ZNF236: variants seen among roughly 807,000 people sequenced by gnomAD.
ZNF236 encodes the protein zinc finger protein 236.
Under a neutral mutation model 191.2 loss-of-function variants are expected in ZNF236, and 50 were observed. The observed-to-expected ratio is 0.26, with a 90% CI of 0.21 to 0.33. ZNF236 has a LOEUF of 0.33. ZNF236 is among the 10% of genes least tolerant of loss of function. The pLI is 1.00. For synonymous variants in ZNF236, 907 were observed against 928.8 expected (o/e 0.98, Z 0.43); for missense variants, 1,754 against 2,374.5 (o/e 0.74, Z 5.43).
chr18:76,933,184 C>T (rs911257625), intron 25 of ZNF236, among the ~76,000 whole-genome samples: 25 of 152,094 alleles, frequency 1.6e-4, no homozygotes, highest in Admixed American at 6.5e-5. Flanking sequence ...AAGAGCCAGC[C>T]GAGGCCGGGC....
At position 76,936,082 on chromosome 18, in the gene ZNF236, G is replaced by C. The variant is rs1370531601; in HGVS notation, c.4595-1074G>C. The C allele has an allele frequency of 3.1e-5, 14 of 456,940 alleles. No homozygotes were observed. In the East Asian group the frequency reaches 9.7e-4, roughly 32 times the overall value. 28.3% of individuals were successfully genotyped at this position (456,940 alleles called of 1,614,324 possible). ...GACAAGTAAGTAACCTAGTTTTCCTGTTGGCCCCTGACTCCTAGGAGAGCG... is the reference window on the plus strand; with the variant it reads ...GACAAGTAAGTAACCTAGTTTTCCTCTTGGCCCCTGACTCCTAGGAGAGCG... On this transcript the variant is annotated intron_variant, in intron 25 of 30. Transcript: ENST00000320610.
intron 11 of ZNF236, among the ~76,000 whole-genome samples, chr18:76,902,312 G>T (rs1977616715): frequency 1.3e-5 from 2 of 152,176 alleles, no homozygotes; most frequent in Non-Finnish European, 2.9e-5. Context: ...AATCTTTGGG[G>T]GACAGAGTTT....
rs1048162027 is a variant in ZNF236, at chr18:76,849,517, A to G, written c.56-9A>G. 4 of 1,598,832 alleles carry G rather than the reference A, an allele frequency of 2.5e-6. No individual in the cohort carries two copies. Among genetic ancestry groups the G allele is most frequent in the Non-Finnish European group, 2.6e-6 (3 of 1,174,840 alleles). On this transcript the variant is annotated splice_polypyrimidine_tract_variant and intron_variant, in intron 1 of 30. Transcript: ENST00000320610. ...GGTATTTATTGTCTATACTTATGCA[A>G]TTTTATAGATGGAGTTTTAACATTG...
intron 8 of ZNF236, among the ~76,000 whole-genome samples, 160 bp from the exon 9 acceptor site, chr18:76,881,124 C>G (rs1976880488): frequency 1.3e-5 from 2 of 152,132 alleles, no homozygotes; most frequent in African/African-American, 4.8e-5. Flanking sequence ...GTTACAGCCT[C>G]AAAGGGTTGG....
At chr18:76,945,703 GA>G (rs1346097462) in intron 26 of ZNF236, among the ~76,000 whole-genome samples, 8 of 152,344 alleles carry the variant, frequency 5.3e-5, no homozygotes, top group Non-Finnish European at 5.9e-5. Context: ...AGAATCACTT[GA>G]ACCCGGGAGG....
chr18:76,828,052 A>G (rs1044732946), intron 1 of ZNF236, among the ~76,000 whole-genome samples: 3 of 152,146 alleles, frequency 2.0e-5, no homozygotes, highest in Non-Finnish European at 4.4e-5. Flanking sequence ...AGCCCAATGG[A>G]TAAACAAGTC....
chr18:76,933,506 C>G (rs540463568), intron 25 of ZNF236, among the ~76,000 whole-genome samples: 1 of 150,764 alleles, frequency 6.6e-6, no homozygotes, highest in African/African-American at 2.4e-5. Flanking sequence ...ATCAGTCTCT[C>G]TCTCTCACTC....
intron 19 of ZNF236, among the ~76,000 whole-genome samples, chr18:76,917,972 C>T (rs1371848189): frequency 6.6e-6 from 1 of 152,128 alleles, no homozygotes; most frequent in African/African-American, 2.4e-5. Context: ...TTTCTTCTTC[C>T]CTCCCCAATC....
At chr18:76,918,072 C>G (rs186023505) in intron 19 of ZNF236, among the ~76,000 whole-genome samples, 2 of 152,290 alleles carry the variant, frequency 1.3e-5, no homozygotes, top group East Asian at 3.9e-4. Context: ...GAATTAACCA[C>G]TGTCCACTTT....
intron 3 of ZNF236, among the ~76,000 whole-genome samples, chr18:76,855,980 C>G (rs532142532): frequency 6.6e-6 from 1 of 152,200 alleles, no homozygotes; most frequent in African/African-American, 2.4e-5. Context: ...AAATTGTTTT[C>G]CAAAGAGATT....
Position 76,959,756 on chromosome 18 carries a change from A to G in ZNF236, c.5182A>G (p.Thr1728Ala), listed in dbSNP as rs1051002654. The G allele has an allele frequency of 5.0e-6, 8 of 1,613,998 alleles. No homozygotes were observed. The highest frequency in any genetic ancestry group is 2.2e-5 in the East Asian group (1 of 44,880). Residue 1728 changes from threonine (T) to alanine (A), a missense_variant, in exon 29 of 31, where the codon ACT (threonine) becomes GCT (alanine). Around this residue, in one of 5 missense-constraint regions of ZNF236, gnomAD observed 606 missense variants for 761.5 expected, o/e 0.80. Coordinates refer to ENST00000320610, the MANE Select transcript of ZNF236 (RefSeq NM_001306089.2). ...GAAGCCAAGAGTGTTTAAATGTGAC[A>G]CTTGTGAGAAGGCATTTGCCAAACC... ...SQKPRVFKCD[T>A]CEKAFAKPSQ...
Position 76,927,509 on chromosome 18 carries a change from A to G in ZNF236, c.4406A>G (p.Asn1469Ser), listed in dbSNP as rs1004761489. Residue 1469 changes from asparagine to serine, a missense_variant, in exon 24 of 31, where the codon AAC becomes AGC. Physicochemically the swap from Asn to Ser is conservative, Grantham distance 46 (BLOSUM62 1). Coordinates refer to ENST00000320610, the MANE Select transcript of ZNF236 (RefSeq NM_001306089.2). The surrounding 1 kb of genome is among the most constrained non-coding windows in gnomAD (Gnocchi z 5.4). ...GAGCAGGATTCAGTGCTGACCACTA[A>G]CAGCAGTGGTAAGAGCCACTCACTT... ...LSEQDSVLTTNSSGTQDLTQV... is the reference protein window; with the variant it reads ...LSEQDSVLTTSSSGTQDLTQV... 4 of 1,613,648 alleles carry G rather than the reference A, an allele frequency of 2.5e-6. No homozygotes were observed. The highest frequency in any genetic ancestry group is 3.4e-6 in the Non-Finnish European group (4 of 1,179,910).
chr18:76,911,310 A>AATG (rs10660362), intron 16 of ZNF236, among the ~76,000 whole-genome samples: 143,837 of 152,142 alleles, frequency 0.95, 68,077 homozygotes, highest in Non-Finnish European at 0.96. Flanking sequence ...AGTGATGAGA[A>AATG]ATTGACCAAT....
intron 10 of ZNF236, among the ~76,000 whole-genome samples, chr18:76,896,536 T>C (rs1192684097): frequency 2.0e-5 from 3 of 151,092 alleles, no homozygotes; most frequent in Admixed American, 1.3e-4. Context: ...CCACACACAG[T>C]GCCAAACACA....
chr18:76,895,407 G>A, intron 10 of ZNF236, 122 bp downstream of exon 10: 2 of 1,346,658 alleles, frequency 1.5e-6, no homozygotes, highest in South Asian at 1.4e-5. Flanking sequence ...CACAAGTACT[G>A]CTCACAGGGA....
chr18:76,834,343 T>G (rs908052650), intron 1 of ZNF236: 1 of 181,140 alleles, frequency 5.5e-6, no homozygotes, highest in Admixed American at 6.2e-5. Context: ...GTTTCTTCTC[T>G]TTATCATTTT....
chr18:76,936,062 G>C (rs1256102351), intron 25 of ZNF236: 2 of 456,998 alleles, frequency 4.4e-6, no homozygotes, highest in Non-Finnish European at 8.8e-6. Context: ...CCAGCGACAA[G>C]TAAGTAACCT....
chr18:76,897,146 CCAAA>C (rs1415499578), intron 10 of ZNF236, among the ~76,000 whole-genome samples: 2 of 150,940 alleles, frequency 1.3e-5, no homozygotes, highest in Non-Finnish European at 3.0e-5. Flanking sequence ...AAACACAGTA[CCAAA>C]CATAGTACTG....
Position 76,861,282 on chromosome 18 carries a change from C to T in ZNF236, c.364-7403C>T, listed in dbSNP as rs181643111. 8.8e-4 allele frequency among the ~76,000 whole-genome samples: 134 copies of T among 152,318 alleles called. 1 individual carries two copies. The highest frequency in any genetic ancestry group is 2.8e-3 in the African/African-American group (116 of 41,580). Reference sequence around the variant, plus strand: ...CCGTGCCCTCAGGTTTGTCCAACATCTTCATTTGTTATCTCTGAGTTCTTT... The same window carrying T: ...CCGTGCCCTCAGGTTTGTCCAACATTTTCATTTGTTATCTCTGAGTTCTTT... On this transcript the variant is annotated intron_variant, in intron 3 of 30. Coordinates refer to ENST00000320610, the MANE Select transcript of ZNF236 (RefSeq NM_001306089.2).
Sources: allele counts gnomAD v4.1 joint callset (sites outside exome capture counted in the v4.1 genomes callset), GRCh38; gene constraint gnomAD v4.1.1; regional missense constraint gnomAD v4.1.1; non-coding constraint Gnocchi (gnomAD v3.1); transcripts MANE v1.5; gene names NCBI Gene and HGNC (gene_info 2026-07-23, HGNC 2026-07-21).